NPRL3: variants seen among roughly 807,000 people sequenced by gnomAD.
The protein encoded by NPRL3 is NPR3 like, GATOR1 complex subunit, also known as GATOR1 complex protein NPRL3.
In NPRL3, 23 loss-of-function variants were observed where a neutral mutation model predicts 57.2. The ratio of observed to expected loss-of-function variants is 0.40; its 90% confidence interval spans 0.29 to 0.57. The LOEUF is 0.57. Among genes scored for constraint, NPRL3 ranks in the 20% least tolerant of loss-of-function variants. The pLI, the probability that NPRL3 is intolerant of heterozygous loss-of-function variation, is 0.42. For synonymous variants in NPRL3, 333 were observed against 321.1 expected (o/e 1.04, Z -0.39); for missense variants, 691 against 767.1 (o/e 0.90, Z 1.17).
chr16:112,571 G>C lies in NPRL3; in HGVS notation c.547+51C>G, dbSNP rs1899862112. The C allele has an allele frequency of 3.5e-6, 5 of 1,437,214 alleles. No homozygotes were observed. The Admixed American group carries it at 7.2e-5, about 21-fold the overall frequency. The allele number at this position is 1,437,214 out of a possible 1,614,324, so 89.0% of individuals were successfully genotyped here. On this transcript the variant is annotated intron_variant, in intron 6 of 13. Coordinates refer to ENST00000611875, the MANE Select transcript of NPRL3 (RefSeq NM_001077350.3). ...CCTCCACAGAGGTCTGCGCTGCAGA[G>C]AGGCCACCAGCCAGCCCAGACCCAT...
At chr16:109,109 C>T (rs1006678306) in intron 7 of NPRL3, among the ~76,000 whole-genome samples, 3 of 152,090 alleles carry the variant, frequency 2.0e-5, no homozygotes, top group Admixed American at 6.6e-5. Flanking sequence ...GCTGAGACTA[C>T]ACTTGTGCCA....
Position 89,812 on chromosome 16 carries a change from C to T in NPRL3, c.1252G>A (p.Glu418Lys), listed in dbSNP as rs547498080. The stretch of plus-strand genomic sequence containing the variant: ...TCCTCTCGCGGACGGGGCTCCTCCT[C>T]GCTGGGTGAGGCCATCAGGCAGACA... ...TYVCLMASPS[E>K]EEPRPREDDV... Residue 418 changes from glutamate to lysine, a missense_variant, in exon 12 of 14, where the codon GAG becomes AAG. Coordinates refer to ENST00000611875, the MANE Select transcript of NPRL3 (RefSeq NM_001077350.3). 1.4e-4 allele frequency: 230 copies of T among 1,593,650 alleles called. No individual in the cohort carries two copies. Among genetic ancestry groups the T allele is most frequent in the Non-Finnish European group, 1.8e-4 (212 of 1,171,584 alleles).
chr16:101,658 C>T (rs1336719179), intron 7 of NPRL3, among the ~76,000 whole-genome samples: 1 of 152,226 alleles, frequency 6.6e-6, no homozygotes, highest in Admixed American at 6.5e-5. Flanking sequence ...AGAGCACTGG[C>T]CCCTCTGACT....
chr16:137,431 C>T (rs1894282875), intron 2 of NPRL3, among the ~76,000 whole-genome samples: 1 of 152,172 alleles, frequency 6.6e-6, no homozygotes, highest in Admixed American at 6.6e-5. Context: ...GCGACGTTCC[C>T]TTTTCCTGTG....
intron 5 of NPRL3, among the ~76,000 whole-genome samples, chr16:113,135 G>A (rs867850828): frequency 2.6e-5 from 4 of 152,178 alleles, no homozygotes; most frequent in East Asian, 1.9e-4. Context: ...AGAAATTAGC[G>A]AGCCATGTAA....
intron 12 of NPRL3, chr16:89,379 G>A (rs1898656875): frequency 3.2e-6 from 1 of 312,242 alleles, no homozygotes; most frequent in Non-Finnish European, 5.9e-6. Context: ...GGCTCTTCTG[G>A]GGCGCAGAGG....
At position 131,478 on chromosome 16, in the gene NPRL3, CA is replaced by C. The variant is rs35711713; in HGVS notation, c.119-888del. On this transcript the variant is annotated intron_variant, in intron 2 of 13. Coordinates refer to ENST00000611875, the MANE Select transcript of NPRL3 (RefSeq NM_001077350.3). ...TGGGAGACACGGCAAGACTCCGTCT[CA>C]AAAAAAAAAAAAAAAATTAGCCGGG... Among the ~76,000 whole-genome samples the C allele has an allele frequency of 2.1e-3, 203 of 98,446 alleles. 2 individuals carry two copies. In the South Asian group the frequency reaches 0.023, roughly 11 times the overall value. 64.6% of individuals were successfully genotyped at this position (98,446 alleles called of 152,430 possible). A position where few individuals can be genotyped will look rare whatever the true frequency, so the allele number is the denominator to read the frequency against.
chr16:85,471 C>G lies in NPRL3; in HGVS notation c.*1234G>C, dbSNP rs767831098. 6.2e-7 allele frequency: 1 copy of G among 1,613,122 alleles called. No individual in the cohort carries two copies. The highest frequency in any genetic ancestry group is 1.1e-5 in the South Asian group (1 of 91,080). Reference sequence around the variant, plus strand: ...GTCTGGAGACCATGCGTCAGCTTCGCAGCACCCTCCGGAAAGGCACCGCCA... The same window carrying G: ...GTCTGGAGACCATGCGTCAGCTTCGGAGCACCCTCCGGAAAGGCACCGCCA... On this transcript the variant is annotated 3_prime_UTR_variant, in exon 14 of 14. Transcript: ENST00000611875.
At chr16:127,901 C>A (rs375990297) in intron 3 of NPRL3, among the ~76,000 whole-genome samples, 1 of 151,956 alleles carries the variant, frequency 6.6e-6, no homozygotes, top group African/African-American at 2.4e-5. Context: ...ATGATCCGCC[C>A]GCCTTGGCCT....
At chr16:110,236 T>G (rs1899737654) in intron 7 of NPRL3, among the ~76,000 whole-genome samples, 1 of 152,100 alleles carries the variant, frequency 6.6e-6, no homozygotes, top group African/African-American at 2.4e-5. Flanking sequence ...GCCGCTGCAC[T>G]CTAGCCTGGG....
intron 9 of NPRL3, among the ~76,000 whole-genome samples, chr16:96,051 G>T (rs965532035): frequency 1.3e-5 from 2 of 152,212 alleles, no homozygotes; most frequent in South Asian, 2.1e-4. Flanking sequence ...ACAGACAGAA[G>T]AAAACAATGA....
intron 9 of NPRL3, among the ~76,000 whole-genome samples, chr16:93,549 T>G (rs1898856083): frequency 6.6e-6 from 1 of 151,930 alleles, no homozygotes; most frequent in Admixed American, 6.6e-5. Context: ...CACACAGCAC[T>G]TTCTGTGAGC....
chr16:99,369 G>A (rs565933361), intron 8 of NPRL3, among the ~76,000 whole-genome samples: 28 of 152,284 alleles, frequency 1.8e-4, no homozygotes, highest in African/African-American at 6.3e-4. Flanking sequence ...AAATTGCCAG[G>A]GCATGGTGGC....
chr16:116,961 C>T (rs11248853), intron 5 of NPRL3, among the ~76,000 whole-genome samples: 55,885 of 137,844 alleles, frequency 0.41, 11,566 homozygotes, highest in Non-Finnish European at 0.5. Flanking sequence ...GGTGACACAG[C>T]GAGATTCTGT....
Position 89,822 on chromosome 16 carries a change from G to A in NPRL3, c.1242C>T (p.Ala414=), listed in dbSNP as rs373335337. 9.4e-6 allele frequency: 15 copies of A among 1,587,984 alleles called. No homozygotes were observed. The highest frequency in any genetic ancestry group is 1.2e-5 in the Non-Finnish European group (14 of 1,168,722). Residue 414 remains alanine, a synonymous_variant, in exon 12 of 14, where the codon GCC becomes GCT. Transcript: ENST00000611875. ...IQLHTYVCLM[A]SPSEEEPRPR... ...GACGGGGCTCCTCCTCGCTGGGTGA[G>A]GCCATCAGGCAGACATAGGTGTGCA... is the stretch of plus-strand genomic sequence containing the variant.
Position 86,806 on chromosome 16 carries a change from G to A in NPRL3, c.1609C>T (p.Arg537Cys), listed in dbSNP as rs776882707. Residue 537 changes from arginine to cysteine, a missense_variant, in exon 14 of 14, where the codon CGC becomes TGC. Coordinates refer to ENST00000611875, the MANE Select transcript of NPRL3 (RefSeq NM_001077350.3). ...EEIMYNENTR[R>C]SQLLMLFDKF... ...TCAAACAGCATGAGCAGCTGGGAGC[G>A]CCGCGTGTTCTCGTTGTACATAATC... The A allele has an allele frequency of 4.3e-6, 7 of 1,612,188 alleles. No homozygotes were observed. Among genetic ancestry groups the A allele is most frequent in the East Asian group, 4.5e-5 (2 of 44,822 alleles).
At chr16:87,228 CT>C (rs60167911) in intron 13 of NPRL3, among the ~76,000 whole-genome samples, 10 of 149,558 alleles carry the variant, frequency 6.7e-5, no homozygotes, top group Middle Eastern at 3.4e-3. Flanking sequence ...ATGGTCACTG[CT>C]TTTTTTTTTC....
intron 2 of NPRL3, among the ~76,000 whole-genome samples, chr16:131,597 C>CAAAA (rs59373757): frequency 0.019 from 1,329 of 69,502 alleles, 127 homozygotes; most frequent in Admixed American, 0.065. Context: ...GACTCAGTCT[C>CAAAA]AAAAAAAAAA....
intron 3 of NPRL3, chr16:125,619 C>T (rs1900482761): frequency 6.6e-6 from 1 of 152,226 alleles, no homozygotes; most frequent in Admixed American, 6.5e-5. Context: ...AACTAAGGCT[C>T]ATTCTAAAGA....
Sources: gnomAD v4.1 joint callset for allele counts (sites outside exome capture counted in the v4.1 genomes callset) on GRCh38, gnomAD v4.1.1 for gene constraint, MANE v1.5 for transcripts, NCBI Gene and HGNC (gene_info 2026-07-23, HGNC 2026-07-21) for gene names.